The following SPAG9 variants were observed in gnomAD, a reference collection of about 807,000 sequenced individuals.
The protein encoded by SPAG9 is C-Jun-amino-terminal kinase-interacting protein 4.
In SPAG9, 35 loss-of-function variants were observed where a neutral mutation model predicts 166.5. The ratio of observed to expected loss-of-function variants is 0.21; its 90% CI spans 0.16 to 0.28. SPAG9 has a LOEUF of 0.28. Ranked by LOEUF, SPAG9 falls within the 10% of genes least tolerant of loss-of-function variation. The pLI is 1.00. For missense variants in SPAG9, 1,235 were observed against 1,603.3 expected (o/e 0.77, Z 3.92); for synonymous variants, 534 against 565.5 (o/e 0.94, Z 0.79).
intron 3 of SPAG9, among the ~76,000 whole-genome samples, chr17:51,053,853 AAGT>A (rs1281070450): frequency 0.021 from 1,202 of 56,098 alleles, 60 homozygotes; most frequent in Admixed American, 0.031. Flanking sequence ...AAAAAAAAAA[AAGT>A]ATATATATAT....
chr17:51,093,678 G>C (rs1054790526), intron 1 of SPAG9, among the ~76,000 whole-genome samples: 1 of 114,520 alleles, frequency 8.7e-6, no homozygotes, highest in Non-Finnish European at 1.6e-5. Context: ...CTGGGCGACA[G>C]AGCAAGACTC....
intron 1 of SPAG9, among the ~76,000 whole-genome samples, chr17:51,101,101 ATT>A (rs2048795565): frequency 6.6e-6 from 1 of 152,056 alleles, no homozygotes; most frequent in Non-Finnish European, 1.5e-5. Context: ...TAATCCTAGC[ATT>A]CAGGGAGGCC....
intron 2 of SPAG9, among the ~76,000 whole-genome samples, chr17:51,060,861 T>TC (rs1466551501): frequency 6.6e-6 from 1 of 151,032 alleles, no homozygotes; most frequent in African/African-American, 2.4e-5. Context: ...TTTTTTTTTT[T>TC]CCTTGAGACA....
chr17:51,093,706 A>AG (rs1371460776), intron 1 of SPAG9, among the ~76,000 whole-genome samples: 1 of 151,130 alleles, frequency 6.6e-6, no homozygotes, highest in Non-Finnish European at 1.5e-5. Flanking sequence ...AAAAAAAAAA[A>AG]AAAAAAAAAG....
intron 2 of SPAG9, among the ~76,000 whole-genome samples, chr17:51,067,142 T>C (rs1433060808): frequency 3.3e-5 from 5 of 152,130 alleles, no homozygotes; most frequent in African/African-American, 1.2e-4. Flanking sequence ...ATAGAAAATA[T>C]TAGAAAATAT....
intron 3 of SPAG9, among the ~76,000 whole-genome samples, chr17:51,050,654 C>A (rs1212572079): frequency 2.0e-5 from 3 of 150,756 alleles, no homozygotes; most frequent in Non-Finnish European, 4.4e-5. Flanking sequence ...TCTATAAACA[C>A]ACAAAAAAGA....
intron 9 of SPAG9, chr17:51,009,029 G>A: frequency 1.9e-5 from 7 of 372,612 alleles, no homozygotes; most frequent in South Asian, 1.5e-4. Context: ...CAAAAAAATA[G>A]TTGAGCAGAA....
At chr17:51,022,671 G>A (rs764451141) in intron 6 of SPAG9, among the ~76,000 whole-genome samples, 14 of 150,682 alleles carry the variant, frequency 9.3e-5, no homozygotes, top group African/African-American at 2.4e-4. Context: ...ACAATAGGCC[G>A]GGTGCAGTGG....
chr17:50,996,100 C>A lies in SPAG9; in HGVS notation c.1968+465G>T, dbSNP rs148962378. 939 of 164,572 alleles carry A rather than the reference C, an allele frequency of 5.7e-3. 3 individuals are homozygous for A. Among genetic ancestry groups the A allele is most frequent in the Non-Finnish European group, 9.4e-3 (714 of 75,926 alleles). The allele number at this position is 164,572 out of a possible 1,614,324, so 10.2% of individuals were successfully genotyped here. A position where few individuals can be genotyped will look rare whatever the true frequency, so the allele number is the denominator to read the frequency against. On this transcript the variant is annotated intron_variant, in intron 16 of 29. Transcript: ENST00000262013. ...TAATTCACACATATGTGCACACGTG[C>A]ACATGCATATGTGTTTGTACATGAA...
In SPAG9 at chr17:50,982,164, C is replaced by T. The variant is rs573516927; in HGVS notation, c.3237+360G>A. On this transcript the variant is annotated intron_variant, in intron 25 of 29. Coordinates refer to ENST00000262013, the MANE Select transcript of SPAG9 (RefSeq NM_001130528.3). ...CACATGTGGATGTGCCTGGATTACA[C>T]GTGGGGAGGACAGGGAGGAATCCTC... 3.3e-5 allele frequency among the ~76,000 whole-genome samples: 5 copies of T among 152,272 alleles called. No individual in the cohort carries two copies. In the South Asian group the frequency reaches 6.2e-4, roughly 19 times the overall value.
intron 10 of SPAG9, among the ~76,000 whole-genome samples, chr17:51,007,008 C>T (rs2045249674): frequency 1.3e-5 from 2 of 152,030 alleles, no homozygotes; most frequent in Non-Finnish European, 2.9e-5. Flanking sequence ...AAGAAAAAGG[C>T]ATGGATACTT....
intron 3 of SPAG9, among the ~76,000 whole-genome samples, chr17:51,055,982 G>A (rs1253873251): frequency 1.3e-5 from 2 of 152,042 alleles, no homozygotes; most frequent in Non-Finnish European, 2.9e-5. Flanking sequence ...TATTTGTTAT[G>A]AGCTTAATGC....
At chr17:51,090,536 C>T (rs1454052616) in intron 1 of SPAG9, among the ~76,000 whole-genome samples, 1 of 152,084 alleles carries the variant, frequency 6.6e-6, no homozygotes, top group East Asian at 1.9e-4. Flanking sequence ...TCCATCTTTT[C>T]AAAACACAAC....
rs1306621618 is a variant in SPAG9, at chr17:51,120,196, G to C, written c.303+158C>G. Among the ~76,000 whole-genome samples, 1 of 152,178 alleles carries C rather than the reference G, an allele frequency of 6.6e-6. No individual in the cohort carries two copies. The highest frequency in any genetic ancestry group is 2.4e-5 in the African/African-American group (1 of 41,446). On this transcript the variant is annotated intron_variant, in intron 1 of 29. Coordinates refer to ENST00000262013, the MANE Select transcript of SPAG9 (RefSeq NM_001130528.3). The surrounding 1 kb of genome is among the most constrained non-coding windows in gnomAD (Gnocchi z 4.7). ...CTTCCAACGCCGGCCTGGCTCCCGGGGTACCTGGAGGCCGCCGGGATCGGT... is the reference window on the plus strand; with the variant it reads ...CTTCCAACGCCGGCCTGGCTCCCGGCGTACCTGGAGGCCGCCGGGATCGGT...
intron 2 of SPAG9, among the ~76,000 whole-genome samples, chr17:51,077,626 C>G (rs959351570): frequency 1.3e-5 from 2 of 151,890 alleles, no homozygotes; most frequent in African/African-American, 4.8e-5. Flanking sequence ...CCTGTGGAGT[C>G]CATCATGCAG....
chr17:51,026,336 A>T (rs544141542), intron 6 of SPAG9, among the ~76,000 whole-genome samples: 68 of 151,860 alleles, frequency 4.5e-4, no homozygotes, highest in Admixed American at 5.2e-4. Flanking sequence ...AAAAAAAAAA[A>T]AAAAAAAAAT....
At chr17:51,082,058 G>C (rs2144649996) in intron 1 of SPAG9, among the ~76,000 whole-genome samples, 1 of 152,184 alleles carries the variant, frequency 6.6e-6, no homozygotes, top group Middle Eastern at 3.4e-3. Context: ...TCTTGGTGAA[G>C]GCTTCTTTGG....
intron 1 of SPAG9, among the ~76,000 whole-genome samples, chr17:51,089,605 T>C (rs1046805907): frequency 7.8e-6 from 1 of 128,272 alleles, no homozygotes; most frequent in African/African-American, 3.2e-5. Flanking sequence ...TATATGTATA[T>C]ATATACACTT....
At position 51,084,521 on chromosome 17, in the gene SPAG9, C is replaced by T. The variant is rs552167123; in HGVS notation, c.304-4817G>A. ...CTCCTGCCTCCAAGCAATACTCCTG[C>T]CTCAGCCTCTGCGTAGCTGGGACTA... On this transcript the variant is annotated intron_variant, in intron 1 of 29. Transcript: ENST00000262013. Among the ~76,000 whole-genome samples, 95 of 152,220 alleles carry T rather than the reference C, an allele frequency of 6.2e-4. 2 individuals carry two copies. In the Middle Eastern group the frequency reaches 0.017, roughly 27 times the overall value.
Sources: allele counts gnomAD v4.1 joint callset (sites outside exome capture counted in the v4.1 genomes callset), GRCh38; gene constraint gnomAD v4.1.1; non-coding constraint Gnocchi (gnomAD v3.1); transcripts MANE v1.5; gene names NCBI Gene and HGNC (gene_info 2026-07-23, HGNC 2026-07-21).